The following TMOD1 variants were observed in gnomAD, a reference collection of about 807,000 sequenced individuals.
TMOD1 encodes the protein tropomodulin-1.
Under a neutral mutation model 40.6 loss-of-function variants are expected in TMOD1, and 17 were observed. The observed-to-expected ratio is 0.42, with a 90% CI of 0.29 to 0.63. The LOEUF is 0.63. TMOD1 is among the 20% of genes least tolerant of loss of function. TMOD1 has a pLI of 0.22. For missense variants in TMOD1, 391 were observed against 447.6 expected (o/e 0.87, Z 1.14); for synonymous variants, 181 against 175.0 (o/e 1.03, Z -0.27).
In TMOD1 at chr9:97,553,364, G is replaced by T. The variant is rs780076026; in HGVS notation, c.361G>T (p.Ala121Ser). ...TLEPELEEAL[A>S]NASDAELCDI... The stretch of plus-strand genomic sequence containing the variant: ...GGAACCGGAGCTGGAGGAAGCCTTG[G>T]CAAATGCTTCAGATGCAGAACTCTG... Residue 121 changes from alanine (A) to serine (S), a missense_variant, in exon 4 of 10, where the codon GCA becomes TCA. Physicochemically the swap from Ala to Ser is moderately conservative, Grantham distance 99 (BLOSUM62 1). Coordinates refer to ENST00000259365, the MANE Select transcript of TMOD1 (RefSeq NM_003275.4). 1 of 1,614,188 alleles carries T rather than the reference G, an allele frequency of 6.2e-7. No individual in the cohort carries two copies. Among genetic ancestry groups the T allele is most frequent in the South Asian group, 1.1e-5 (1 of 91,086 alleles).
intron 6 of TMOD1, 139 bp from the exon 7 acceptor site, chr9:97,565,709 A>G (rs1443580646): frequency 7.6e-6 from 5 of 657,266 alleles, no homozygotes; most frequent in South Asian, 2.1e-5. Flanking sequence ...CGTCCGGGAC[A>G]AAGCCTAAAC....
rs979197701 is a variant in TMOD1 at position 97,502,992 on chromosome 9, G to A, written c.-49+1189G>A. 6.6e-6 allele frequency among the ~76,000 whole-genome samples: 1 copy of A among 151,870 alleles called. No homozygotes were observed. Among genetic ancestry groups the A allele is most frequent in the African/African-American group, 2.4e-5 (1 of 41,344 alleles). Reference sequence around the variant, plus strand: ...ATTACAGACCCTGTCTCCAGCCCTCGCCCTATGCCCTCAGACTCTCGGAGA... The same window carrying A: ...ATTACAGACCCTGTCTCCAGCCCTCACCCTATGCCCTCAGACTCTCGGAGA... On this transcript the variant is annotated intron_variant, in intron 1 of 9. Coordinates refer to ENST00000259365, the MANE Select transcript of TMOD1 (RefSeq NM_003275.4). This position sits in a 1 kb window ranked among gnomAD's most constrained non-coding sequence, Gnocchi z 6.1.
chr9:97,568,821 G>A (rs547892271), intron 7 of TMOD1, 73 bp from the exon 8 acceptor site: 1 of 1,571,522 alleles, frequency 6.4e-7, no homozygotes, highest in Non-Finnish European at 8.7e-7. Context: ...GGTGTCTTAG[G>A]ATCTACCCAG....
chr9:97,558,927 G>A (rs1830572571), intron 4 of TMOD1, among the ~76,000 whole-genome samples: 2 of 152,172 alleles, frequency 1.3e-5, no homozygotes, highest in Admixed American at 1.3e-4. Flanking sequence ...TTCATACCAA[G>A]GCTCAGCCTG....
At chr9:97,592,459 G>A (rs1435312439) in intron 9 of TMOD1, among the ~76,000 whole-genome samples, 1 of 151,966 alleles carries the variant, frequency 6.6e-6, no homozygotes, top group Non-Finnish European at 1.5e-5. Flanking sequence ...CTCTTTCTGG[G>A]ACTACATTGT....
chr9:97,569,139 A>C, intron 8 of TMOD1, 102 bp downstream of exon 8: 1 of 1,478,836 alleles, frequency 6.8e-7, no homozygotes, highest in Non-Finnish European at 9.2e-7. Flanking sequence ...CTGATGATAG[A>C]AGCTCAGAGC....
At chr9:97,554,348 C>G (rs1830502726) in intron 4 of TMOD1, among the ~76,000 whole-genome samples, 1 of 151,962 alleles carries the variant, frequency 6.6e-6, no homozygotes, top group South Asian at 2.1e-4. Flanking sequence ...AAGGGAGGAG[C>G]AGGAAGAGGG....
At chr9:97,567,291 A>G (rs1830742522) in intron 7 of TMOD1, among the ~76,000 whole-genome samples, 1 of 152,214 alleles carries the variant, frequency 6.6e-6, no homozygotes, top group African/African-American at 2.4e-5. Context: ...CCCTCAGCTC[A>G]GGTCCACAAA....
chr9:97,524,904 G>A (rs1194221349), intron 2 of TMOD1, among the ~76,000 whole-genome samples: 1 of 151,840 alleles, frequency 6.6e-6, no homozygotes, highest in African/African-American at 2.4e-5. Flanking sequence ...TCAGTCTACT[G>A]ATTCAAATAT....
intron 3 of TMOD1, 75 bp from the exon 4 acceptor site, chr9:97,553,206 C>T: frequency 6.3e-7 from 1 of 1,598,238 alleles, no homozygotes; most frequent in Non-Finnish European, 8.6e-7. Flanking sequence ...TACAATGGTC[C>T]ACGCAGGGCT....
chr9:97,525,184 C>T (rs1829992906), intron 2 of TMOD1, among the ~76,000 whole-genome samples: 1 of 152,142 alleles, frequency 6.6e-6, no homozygotes, highest in South Asian at 2.1e-4. Flanking sequence ...AGGTAAAGTC[C>T]ATGAGTGATG....
chr9:97,519,769 C>A (rs556629232), intron 1 of TMOD1, among the ~76,000 whole-genome samples: 73 of 152,282 alleles, frequency 4.8e-4, no homozygotes, highest in Non-Finnish European at 8.5e-4. Context: ...ACATAGAACA[C>A]GGGTCCTCTC....
rs1452748686 is a variant in TMOD1 at position 97,565,914 on chromosome 9, T to G, written c.685T>G (p.Phe229Val). ...GAAAGAAAACTCATATGTGAAGAAGTTCAGCATCGTGGGGACACGGAGTAA... is the reference window on the plus strand; with the variant it reads ...GAAAGAAAACTCATATGTGAAGAAGGTCAGCATCGTGGGGACACGGAGTAA... ...ALKENSYVKKFSIVGTRSNDP... is the reference protein window; with the variant it reads ...ALKENSYVKKVSIVGTRSNDP... The change falls in exon 7 of 10, where the codon TTC (phenylalanine) becomes GTC (valine). Residue 229 changes from phenylalanine to valine, a missense_variant. By Grantham distance (50) the Phe-to-Val change is conservative. Transcript: ENST00000259365. The G allele has an allele frequency of 6.2e-7, 1 of 1,614,196 alleles. No individual in the cohort carries two copies. The highest frequency in any genetic ancestry group is 8.5e-7 in the Non-Finnish European group (1 of 1,180,028).
chr9:97,545,014 A>C (rs1830339425), intron 2 of TMOD1, among the ~76,000 whole-genome samples: 1 of 151,720 alleles, frequency 6.6e-6, no homozygotes, highest in African/African-American at 2.4e-5. Flanking sequence ...CCATCTCAAA[A>C]AAAAAAAAAA....
chr9:97,558,065 C>A (rs1248394384), intron 4 of TMOD1, among the ~76,000 whole-genome samples: 2 of 152,150 alleles, frequency 1.3e-5, no homozygotes, highest in African/African-American at 4.8e-5. Flanking sequence ...TAATACTAGC[C>A]CCAGGCATTC....
intron 1 of TMOD1, 111 bp from the exon 2 acceptor site, chr9:97,524,030 C>A: frequency 1.4e-6 from 1 of 716,036 alleles, no homozygotes; most frequent in Non-Finnish European, 2.2e-6. Context: ...TAATGATTAT[C>A]CTGGCAATTC....
At chr9:97,592,455 C>G (rs935109526) in intron 9 of TMOD1, among the ~76,000 whole-genome samples, 4 of 151,830 alleles carry the variant, frequency 2.6e-5, no homozygotes, top group African/African-American at 9.7e-5. Flanking sequence ...AAGCCTCTTT[C>G]TGGGACTACA....
At chr9:97,560,812 G>T (rs1328626133) in intron 4 of TMOD1, among the ~76,000 whole-genome samples, 1 of 151,614 alleles carries the variant, frequency 6.6e-6, no homozygotes, top group East Asian at 1.9e-4. Context: ...ACTGTGAGCC[G>T]AGATCTCGCC....
At chr9:97,546,093 T>C (rs1830355574) in intron 2 of TMOD1, 92 bp from the exon 3 acceptor site, 6 of 1,433,532 alleles carry the variant, frequency 4.2e-6, no homozygotes, top group Non-Finnish European at 5.6e-6. Context: ...ATGATGAGTT[T>C]CTGGAGAAGT....
Sources: allele counts gnomAD v4.1 joint callset (sites outside exome capture counted in the v4.1 genomes callset), GRCh38; gene constraint gnomAD v4.1.1; non-coding constraint Gnocchi (gnomAD v3.1); transcripts MANE v1.5; gene names NCBI Gene and HGNC (gene_info 2026-07-23, HGNC 2026-07-21).